The following GIGYF2 variants were observed in gnomAD, a reference collection of about 807,000 sequenced individuals.
GIGYF2 encodes the protein GRB10 interacting GYF protein 2.
A neutral mutation model predicts 208.1 loss-of-function variants in GIGYF2; 25 were observed. That is an observed-to-expected ratio of 0.12 (90% CI 0.09 to 0.17). The LOEUF is 0.17. Ranked by LOEUF, GIGYF2 falls within the 10% of genes least tolerant of loss-of-function variation. The pLI is 1.00. For missense variants in GIGYF2, 1,302 were observed against 1,579.4 expected (o/e 0.82, Z 2.98); for synonymous variants, 534 against 543.8 (o/e 0.98, Z 0.25).
Position 232,794,859 on chromosome 2 carries a change from T to C in GIGYF2, c.1394T>C (p.Val465Ala), listed in dbSNP as rs753145713. The change falls in exon 13 of 29, where the codon GTT (valine) becomes GCT (alanine). Residue 465 changes from valine (V) to alanine (A), a missense_variant. Around this residue, in one of 8 missense-constraint regions of GIGYF2, gnomAD observed 235 missense variants for 218.8 expected, o/e 1.07. Coordinates refer to ENST00000373563, the MANE Select transcript of GIGYF2 (RefSeq NM_001103146.3). Reference sequence around the variant, plus strand: ...AATCCTAGTCCTACTCTCCGGCCAGTTGAAACACCAGTTGTAGGTGCTCCT... The same window carrying C: ...AATCCTAGTCCTACTCTCCGGCCAGCTGAAACACCAGTTGTAGGTGCTCCT... ...VPNPSPTLRPVETPVVGAPGM... is the reference protein window; with the variant it reads ...VPNPSPTLRPAETPVVGAPGM... 1.9e-6 allele frequency: 3 copies of C among 1,613,844 alleles called. No homozygotes were observed. The highest frequency in any genetic ancestry group is 3.3e-5 in the Admixed American group (2 of 59,998).
chr2:232,809,823 A>G lies in GIGYF2; in HGVS notation c.1898+12A>G. On this transcript the variant is annotated intron_variant, in intron 16 of 28. Transcript: ENST00000373563. Reference sequence around the variant, plus strand: ...CAGTTTTTAATACAGTAAGAAGAGTAATGCAGTAGGATGTACTGCAGCATG... The same window carrying G: ...CAGTTTTTAATACAGTAAGAAGAGTGATGCAGTAGGATGTACTGCAGCATG... 7.2e-7 allele frequency: 1 copy of G among 1,381,126 alleles called. No homozygotes were observed. Among genetic ancestry groups the G allele is most frequent in the Non-Finnish European group, 1.0e-6 (1 of 967,098 alleles). 85.6% of individuals were successfully genotyped at this position (1,381,126 alleles called of 1,614,324 possible). A position where few individuals can be genotyped will look rare whatever the true frequency, so the allele number is the denominator to read the frequency against.
chr2:232,737,512 A>G (rs1486718892), intron 3 of GIGYF2, among the ~76,000 whole-genome samples: 3 of 152,198 alleles, frequency 2.0e-5, no homozygotes, highest in African/African-American at 7.2e-5. Flanking sequence ...ATCATCTGTC[A>G]AAATTCCTTC....
chr2:232,832,826 T>A, intron 21 of GIGYF2, 31 bp from the exon 22 acceptor site: 1 of 1,487,776 alleles, frequency 6.7e-7, no homozygotes, highest in Non-Finnish European at 9.1e-7. Context: ...TTAATAAAAT[T>A]TTTATATCTT....
intron 21 of GIGYF2, among the ~76,000 whole-genome samples, chr2:232,825,450 C>T (rs555608008): frequency 4.6e-5 from 7 of 152,176 alleles, no homozygotes; most frequent in South Asian, 4.1e-4. Context: ...GAAGCAACTG[C>T]GGATGTGGTG....
At chr2:232,765,784 T>A in intron 8 of GIGYF2, 1 of 354,988 alleles carries the variant, frequency 2.8e-6, no homozygotes, top group Non-Finnish European at 5.7e-6. Context: ...TATAGACTCT[T>A]CTGGTACTTG....
chr2:232,810,532 G>A (rs1002790239), intron 16 of GIGYF2: 3 of 153,276 alleles, frequency 2.0e-5, no homozygotes, highest in African/African-American at 7.2e-5. Context: ...AAGATTTGCT[G>A]TTCTTGTGGT....
intron 3 of GIGYF2, among the ~76,000 whole-genome samples, chr2:232,747,016 C>T (rs1398404719): frequency 3.3e-5 from 5 of 152,130 alleles, no homozygotes; most frequent in Admixed American, 1.3e-4. Context: ...AACCTAGCTG[C>T]AGGTTTATGC....
At chr2:232,740,879 T>G (rs746346748) in intron 3 of GIGYF2, among the ~76,000 whole-genome samples, 65 of 151,992 alleles carry the variant, frequency 4.3e-4, no homozygotes, top group Non-Finnish European at 2.1e-4. Flanking sequence ...ACTGAAGGAG[T>G]AGTAAATTAG....
intron 12 of GIGYF2, among the ~76,000 whole-genome samples, chr2:232,793,599 C>T (rs283468): frequency 0.32 from 48,829 of 151,814 alleles, 8,179 homozygotes; most frequent in South Asian, 0.62. Context: ...GTGGAGATGG[C>T]GAGAGAGCAG....
intron 22 of GIGYF2, among the ~76,000 whole-genome samples, chr2:232,833,880 CTTTTT>C (rs79831639): frequency 7.1e-6 from 1 of 140,510 alleles, no homozygotes; most frequent in Non-Finnish European, 1.6e-5. Flanking sequence ...GGATTCAAAA[CTTTTT>C]TTTTTTTTTT....
intron 2 of GIGYF2, among the ~76,000 whole-genome samples, chr2:232,720,587 TTG>T (rs1380455663): frequency 6.1e-5 from 8 of 130,270 alleles, no homozygotes; most frequent in Non-Finnish European, 8.5e-5. Context: ...ATATATATTT[TTG>T]TTTGTTTGTT....
At chr2:232,770,878 T>G (rs751152038) in intron 8 of GIGYF2, 1 of 1,569,240 alleles carries the variant, frequency 6.4e-7, no homozygotes, top group South Asian at 1.1e-5. Context: ...GTTTTTGTTT[T>G]TTTTAAGAAC....
intron 5 of GIGYF2, among the ~76,000 whole-genome samples, chr2:232,753,459 G>A (rs974070182): frequency 6.6e-6 from 1 of 151,860 alleles, no homozygotes; most frequent in Non-Finnish European, 1.5e-5. Flanking sequence ...GTGTTTTGCC[G>A]TGTTGGCCAG....
chr2:232,816,240 G>T (rs1473349812), intron 19 of GIGYF2, among the ~76,000 whole-genome samples: 1 of 152,108 alleles, frequency 6.6e-6, no homozygotes, highest in Non-Finnish European at 1.5e-5. Context: ...TTTAGTACTT[G>T]CCAGAAAAGA....
At position 232,847,582 on chromosome 2, in the gene GIGYF2, G is replaced by C. The variant is rs558182343; in HGVS notation, c.3684+11G>C. The stretch of plus-strand genomic sequence containing the variant: ...CAGCCACAACAGCAGGTATAAAGTA[G>C]TGTGGTGTATGCGGTACCTCTGAGG... On this transcript the variant is annotated intron_variant, in intron 27 of 28. Coordinates refer to ENST00000373563, the MANE Select transcript of GIGYF2 (RefSeq NM_001103146.3). The C allele has an allele frequency of 6.2e-7, 1 of 1,612,224 alleles. No individual in the cohort carries two copies. The highest frequency in any genetic ancestry group is 2.2e-5 in the East Asian group (1 of 44,876).
intron 3 of GIGYF2, among the ~76,000 whole-genome samples, chr2:232,745,595 CT>C (rs776220928): frequency 4.6e-5 from 7 of 152,136 alleles, no homozygotes; most frequent in Non-Finnish European, 7.4e-5. Context: ...GGCTTTTTCC[CT>C]CCTTTCTTGT....
chr2:232,733,999 CTT>C (rs1697619888), intron 2 of GIGYF2, among the ~76,000 whole-genome samples: 1 of 150,620 alleles, frequency 6.6e-6, no homozygotes, highest in Non-Finnish European at 1.5e-5. Context: ...GCTCTCATAT[CTT>C]AAGATTACTT....
At chr2:232,854,255 G>A (rs1218164500) in intron 28 of GIGYF2, among the ~76,000 whole-genome samples, 4 of 152,184 alleles carry the variant, frequency 2.6e-5, no homozygotes, top group Non-Finnish European at 5.9e-5. Context: ...CACTTTGGGA[G>A]GCCAGCGTGG....
chr2:232,810,154 A>G (rs1025127509), intron 16 of GIGYF2, among the ~76,000 whole-genome samples: 2 of 152,016 alleles, frequency 1.3e-5, no homozygotes, highest in African/African-American at 4.8e-5. Flanking sequence ...CGCCCAGCCT[A>G]TTTTTGTATT....
Sources: allele counts gnomAD v4.1 joint callset (sites outside exome capture counted in the v4.1 genomes callset), GRCh38; gene constraint gnomAD v4.1.1; regional missense constraint gnomAD v4.1.1; transcripts MANE v1.5; gene names NCBI Gene and HGNC (gene_info 2026-07-23, HGNC 2026-07-21).